BTBD9: variants seen among roughly 807,000 people sequenced by gnomAD.
BTBD9 encodes BTB/POZ domain-containing protein 9.
In BTBD9, 49 loss-of-function variants were observed where a neutral mutation model predicts 64.3. The observed-to-expected ratio is 0.76, with a 90% CI of 0.61 to 0.97. The LOEUF (loss-of-function observed/expected upper bound fraction) is 0.97, where lower values mean the gene tolerates loss of function less well. BTBD9 is among the 50% of genes least tolerant of loss of function. BTBD9 has a pLI of 0.00. For synonymous variants in BTBD9, 260 were observed against 274.7 expected (o/e 0.95, Z 0.53); for missense variants, 598 against 762.1 (o/e 0.78, Z 2.53).
At chr6:38,574,281 C>A (rs551711996) in intron 6 of BTBD9, among the ~76,000 whole-genome samples, 107 of 152,260 alleles carry the variant, frequency 7.0e-4, no homozygotes, top group African/African-American at 2.5e-3. Flanking sequence ...GACTGAATTA[C>A]ATTTGACAAG....
At chr6:38,624,747 C>T (rs1778114702) in intron 1 of BTBD9, among the ~76,000 whole-genome samples, 1 of 151,786 alleles carries the variant, frequency 6.6e-6, no homozygotes, top group South Asian at 2.1e-4. Context: ...ATATTTATCT[C>T]ATAAAATTAC....
intron 8 of BTBD9, among the ~76,000 whole-genome samples, chr6:38,280,140 G>T (rs1761454820): frequency 6.6e-6 from 1 of 152,150 alleles, no homozygotes; most frequent in Non-Finnish European, 1.5e-5. Flanking sequence ...CCTCTAGGAT[G>T]AAACTGGCTG....
At chr6:38,578,414 T>A (rs995171940) in intron 5 of BTBD9, among the ~76,000 whole-genome samples, 2 of 152,218 alleles carry the variant, frequency 1.3e-5, no homozygotes, top group Non-Finnish European at 2.9e-5. Flanking sequence ...GCAGGTCCCA[T>A]CCTGAACAAA....
At position 38,475,556 on chromosome 6, in the gene BTBD9, T is replaced by C. The variant is rs569635854; in HGVS notation, c.1154+102044A>G. Among the ~76,000 whole-genome samples the C allele has an allele frequency of 7.8e-4, 119 of 152,326 alleles. 1 individual carries two copies. The highest frequency in any genetic ancestry group is 1.4e-3 in the Non-Finnish European group (98 of 68,036). On this transcript the variant is annotated intron_variant, in intron 6 of 10. Coordinates refer to ENST00000481247, the MANE Select transcript of BTBD9 (RefSeq NM_001099272.2). ...CAACATATGCTGCCTTTAGCTCTCA[T>C]CTTCTCTGTCCAATTCACTGTTTTC...
chr6:38,388,810 C>T (rs957011449), intron 6 of BTBD9, among the ~76,000 whole-genome samples: 10 of 152,176 alleles, frequency 6.6e-5, no homozygotes, highest in Admixed American at 2.0e-4. Flanking sequence ...TAAAGTTAAA[C>T]CTTCAGGACT....
intron 1 of BTBD9, among the ~76,000 whole-genome samples, chr6:38,632,761 T>C (rs566821030): frequency 8.1e-4 from 123 of 151,974 alleles, no homozygotes; most frequent in African/African-American, 2.9e-3. Flanking sequence ...TGAGACCCTG[T>C]CTACATAGAA....
chr6:38,481,589 G>C (rs1408982323), intron 6 of BTBD9: 1 of 152,154 alleles, frequency 6.6e-6, no homozygotes, highest in Admixed American at 6.5e-5. Context: ...TGAGGGAGGG[G>C]CCAGTGCCTG....
intron 7 of BTBD9, among the ~76,000 whole-genome samples, chr6:38,324,367 G>A (rs1026136484): frequency 6.6e-6 from 1 of 152,174 alleles, no homozygotes; most frequent in African/African-American, 2.4e-5. Context: ...TCATGTCTAG[G>A]CAGCAGGTGT....
At chr6:38,408,413 T>C (rs1767267049) in intron 6 of BTBD9, among the ~76,000 whole-genome samples, 1 of 152,192 alleles carries the variant, frequency 6.6e-6, no homozygotes, top group Admixed American at 6.5e-5. Flanking sequence ...CTTTGCCTAC[T>C]ATTCTAATGC....
At chr6:38,535,258 G>C (rs1773972927) in intron 6 of BTBD9, among the ~76,000 whole-genome samples, 1 of 151,788 alleles carries the variant, frequency 6.6e-6, no homozygotes, top group Non-Finnish European at 1.5e-5. Context: ...ATTTACAACA[G>C]GTACACATAA....
At chr6:38,505,034 T>C (rs916658900) in intron 6 of BTBD9, among the ~76,000 whole-genome samples, 1 of 152,214 alleles carries the variant, frequency 6.6e-6, no homozygotes, top group Non-Finnish European at 1.5e-5. Flanking sequence ...GCTTATTCCT[T>C]CATTCCTGAA....
chr6:38,487,782 GAACAGAGATCAGCAAAC>G (rs777261007), intron 6 of BTBD9, among the ~76,000 whole-genome samples: 15 of 152,116 alleles, frequency 9.9e-5, no homozygotes, highest in Non-Finnish European at 1.8e-4. Flanking sequence ...TTAAGGTTTT[GAACAGAGATCAGCAAAC>G]TATGGCCTGC....
chr6:38,287,901 T>C (rs1388789449), intron 8 of BTBD9, among the ~76,000 whole-genome samples: 14 of 152,220 alleles, frequency 9.2e-5, no homozygotes, highest in Admixed American at 8.5e-4. Context: ...TTCAGATCTG[T>C]TTGGTTCATA....
Position 38,171,370 on chromosome 6 carries a change from C to T in BTBD9, c.*3615G>A, listed in dbSNP as rs1766751099. ...ACTCTTGCTGAAAATAATTTCTTTT[C>T]CCAACTCTTCTAGGAATAAAACACT... On this transcript the variant is annotated 3_prime_UTR_variant, in exon 11 of 11. Transcript: ENST00000481247. 6.6e-6 allele frequency: 1 copy of T among 152,104 alleles called. No homozygotes were observed. 9.4% of individuals were successfully genotyped at this position (152,104 alleles called of 1,614,324 possible).
Position 38,415,653 on chromosome 6 carries a change from C to A in BTBD9, c.1155-70560G>T, listed in dbSNP as rs1767634710. Among the ~76,000 whole-genome samples the A allele has an allele frequency of 2.0e-5, 3 of 152,212 alleles. No individual in the cohort carries two copies. In the South Asian group the frequency reaches 6.2e-4, roughly 32 times the overall value. ...TATCCTCTACTTCTATTCAATTACT[C>A]TCTAAGCATTGCAGCAGTTATTACC... On this transcript the variant is annotated intron_variant, in intron 6 of 10. Transcript: ENST00000481247.
At chr6:38,406,651 G>A (rs1730837514) in intron 6 of BTBD9, among the ~76,000 whole-genome samples, 1 of 152,124 alleles carries the variant, frequency 6.6e-6, no homozygotes, top group Admixed American at 6.5e-5. Context: ...AATCACATTG[G>A]GGAAACTAAA....
At chr6:38,331,425 C>T (rs1763671755) in intron 7 of BTBD9, among the ~76,000 whole-genome samples, 1 of 152,102 alleles carries the variant, frequency 6.6e-6, no homozygotes, top group East Asian at 1.9e-4. Flanking sequence ...TTGCAGTGAG[C>T]TGAGATCACG....
At chr6:38,270,870 G>A (rs990552563) in intron 8 of BTBD9, among the ~76,000 whole-genome samples, 1 of 152,166 alleles carries the variant, frequency 6.6e-6, no homozygotes, top group African/African-American at 2.4e-5. Flanking sequence ...ATGGGAGGCA[G>A]GAGTCCCAAC....
chr6:38,587,203 C>A, intron 4 of BTBD9: 1 of 200,994 alleles, frequency 5.0e-6, no homozygotes, highest in South Asian at 9.3e-5. Context: ...CCCTGCAACA[C>A]CCCAGCCTGG....
Sources: allele counts gnomAD v4.1 joint callset (sites outside exome capture counted in the v4.1 genomes callset), GRCh38; gene constraint gnomAD v4.1.1; transcripts MANE v1.5; gene names NCBI Gene and HGNC (gene_info 2026-07-23, HGNC 2026-07-21).